The following PARP15 variants were observed in gnomAD, a reference collection of about 807,000 sequenced individuals.
PARP15 encodes protein mono-ADP-ribosyltransferase PARP15.
PARP15 carries 50 observed loss-of-function variants against 62.1 expected under a neutral mutation model. The ratio of observed to expected loss-of-function variants is 0.81; its 90% CI spans 0.64 to 1.02. PARP15 has a LOEUF of 1.02. PARP15 is among the 50% of genes least tolerant of loss of function. PARP15 has a pLI of 0.00. For synonymous variants in PARP15, 309 were observed against 293.1 expected, an observed-to-expected ratio of 1.05 and a Z score of -0.55; for missense variants, 820 against 826.5, an observed-to-expected ratio of 0.99 and a Z score of 0.10.
At position 122,626,998 on chromosome 3, in the gene PARP15, C is replaced by T; in HGVS notation, c.1403C>T (p.Ser468Leu). ...DSMKKRDLSA[S>L]LNFQSTFSMT... ...ATGAAAAAAAGAGACCTCTCTGCAT[C>T]ACTGAACTTTCAGTCCACATTCTCC... is the stretch of plus-strand genomic sequence containing the variant. The change falls in exon 9 of 12, where the codon TCA (serine) becomes TTA (leucine). Residue 468 changes from serine to leucine, a missense_variant. Around this residue, in one of 3 missense-constraint regions of PARP15, gnomAD observed 731 missense variants for 727.7 expected, o/e 1.00. Transcript: ENST00000464300. 2 of 1,613,736 alleles carry T rather than the reference C, an allele frequency of 1.2e-6. No homozygotes were observed. The highest frequency in any genetic ancestry group is 1.7e-5 in the Admixed American group (1 of 59,956).
At chr3:122,578,104 A>T (rs971906101) in intron 1 of PARP15, among the ~76,000 whole-genome samples, 1 of 150,684 alleles carries the variant, frequency 6.6e-6, no homozygotes. Context: ...GTTTGAAAGG[A>T]TATGAGTCCT....
intron 1 of PARP15, among the ~76,000 whole-genome samples, chr3:122,597,567 T>C (rs1257164691): frequency 6.6e-6 from 1 of 152,172 alleles, no homozygotes. Flanking sequence ...CAGCTTTTTT[T>C]TTCTTTTTCC....
chr3:122,599,358 G>C (rs1047128631), intron 1 of PARP15, among the ~76,000 whole-genome samples: 1 of 150,702 alleles, frequency 6.6e-6, no homozygotes, highest in African/African-American at 2.4e-5. Context: ...GGGCAACAGA[G>C]CGAGACATAG....
At chr3:122,615,145 T>G (rs1935869061) in intron 4 of PARP15, 3 of 1,120,982 alleles carry the variant, frequency 2.7e-6, no homozygotes, top group South Asian at 4.0e-5. Flanking sequence ...ACAACCCAAG[T>G]GAAACTTTAT....
intron 1 of PARP15, among the ~76,000 whole-genome samples, chr3:122,585,405 A>G (rs1247717332): frequency 2.0e-5 from 3 of 152,214 alleles, no homozygotes; most frequent in Non-Finnish European, 4.4e-5. Flanking sequence ...ATAATGGGGT[A>G]TGATCTGATT....
chr3:122,603,223 C>A (rs1934931307), intron 1 of PARP15, among the ~76,000 whole-genome samples: 1 of 152,108 alleles, frequency 6.6e-6, no homozygotes, highest in Non-Finnish European at 1.5e-5. Context: ...AAGTTCCTGC[C>A]TAAAATGCAT....
intron 4 of PARP15, chr3:122,615,078 A>G (rs1258029907): frequency 2.0e-6 from 2 of 983,376 alleles, no homozygotes; most frequent in Non-Finnish European, 2.4e-6. Context: ...AAGAAAGAGA[A>G]AAAGAAAAAG....
At chr3:122,606,087 G>T (rs1001528265) in intron 2 of PARP15, 32 bp downstream of exon 2, 2 of 1,541,456 alleles carry the variant, frequency 1.3e-6, no homozygotes, top group Admixed American at 2.0e-5. Flanking sequence ...ATCTACCAAG[G>T]AACAGTGGGA....
Position 122,626,724 on chromosome 3 carries a change from T to C in PARP15, c.1232-103T>C, listed in dbSNP as rs1936750547. ...TGAGTGTCAGATCAATTCCTGGCTGTGAGGGGCTTTCCTGTTTCTCAGCAC... is the reference window on the plus strand; with the variant it reads ...TGAGTGTCAGATCAATTCCTGGCTGCGAGGGGCTTTCCTGTTTCTCAGCAC... On this transcript the variant is annotated intron_variant, in intron 8 of 11. Transcript: ENST00000464300. 5.0e-6 allele frequency: 5 copies of C among 1,006,432 alleles called. No individual in the cohort carries two copies. In the South Asian group the frequency reaches 8.4e-5, roughly 17 times the overall value. The allele number at this position is 1,006,432 out of a possible 1,614,324, so 62.3% of individuals were successfully genotyped here. A position where few individuals can be genotyped will look rare whatever the true frequency, so the allele number is the denominator to read the frequency against.
chr3:122,599,474 CT>C (rs1934619485), intron 1 of PARP15, among the ~76,000 whole-genome samples: 1 of 151,970 alleles, frequency 6.6e-6, no homozygotes, highest in Non-Finnish European at 1.5e-5. Flanking sequence ...TCTCTCTCCC[CT>C]CTCTCTCTTT....
chr3:122,586,649 T>C (rs1320914680), intron 1 of PARP15, among the ~76,000 whole-genome samples: 1 of 152,206 alleles, frequency 6.6e-6, no homozygotes, highest in African/African-American at 2.4e-5. Flanking sequence ...GTCTTTAATT[T>C]TTAGAGTAGT....
intron 1 of PARP15, among the ~76,000 whole-genome samples, chr3:122,586,009 TTAAA>T (rs1933398236): frequency 2.0e-5 from 3 of 152,250 alleles, no homozygotes; most frequent in Non-Finnish European, 4.4e-5. Flanking sequence ...GTACAGTTAG[TTAAA>T]TAAATATAGA....
chr3:122,586,344 C>T (rs1933428918), intron 1 of PARP15, among the ~76,000 whole-genome samples: 2 of 151,916 alleles, frequency 1.3e-5, no homozygotes, highest in Non-Finnish European at 2.9e-5. Context: ...GTAGCTAGGA[C>T]TACAGGAACA....
chr3:122,620,937 C>T (rs1936301425), intron 7 of PARP15, among the ~76,000 whole-genome samples: 1 of 152,156 alleles, frequency 6.6e-6, no homozygotes, highest in Non-Finnish European at 1.5e-5. Flanking sequence ...GGTCCTGAGC[C>T]AAGGAGAAGT....
rs59527124 is a variant in PARP15, at chr3:122,579,999, GTATA to G, written c.186+2180_186+2183del. Among the ~76,000 whole-genome samples, 268 of 64,428 alleles carry G rather than the reference GTATA, an allele frequency of 4.2e-3. 3 individuals carry two copies. Among genetic ancestry groups the G allele is most frequent in the East Asian group, 0.034 (64 of 1,902 alleles). The allele number at this position is 64,428 out of a possible 152,430, so 42.3% of individuals were successfully genotyped here. A position where few individuals can be genotyped will look rare whatever the true frequency, so the allele number is the denominator to read the frequency against. ...GTCTGAACAACAACAGCAACTATAT[GTATA>G]TATATATATATATATATATATATAT... On this transcript the variant is annotated intron_variant, in intron 1 of 11. Coordinates refer to ENST00000464300, the MANE Select transcript of PARP15 (RefSeq NM_001113523.3).
chr3:122,620,809 G>A (rs984831343), intron 7 of PARP15, among the ~76,000 whole-genome samples: 1 of 141,952 alleles, frequency 7.0e-6, no homozygotes, highest in Admixed American at 6.7e-5. Flanking sequence ...GATGGGATGG[G>A]CAGGGATCCA....
intron 1 of PARP15, among the ~76,000 whole-genome samples, chr3:122,601,367 T>G (rs1053207479): frequency 5.3e-5 from 8 of 152,182 alleles, no homozygotes; most frequent in South Asian, 2.1e-4. Context: ...CATTGCAATA[T>G]CATACAGAAT....
chr3:122,588,129 C>T (rs969918699), intron 1 of PARP15, among the ~76,000 whole-genome samples: 9 of 152,062 alleles, frequency 5.9e-5, no homozygotes, highest in Admixed American at 1.3e-4. Flanking sequence ...AAAATATCTA[C>T]ATTTTGCTTT....
At chr3:122,611,544 A>T (rs1483615382) in intron 3 of PARP15, among the ~76,000 whole-genome samples, 1 of 151,818 alleles carries the variant, frequency 6.6e-6, no homozygotes, top group Non-Finnish European at 1.5e-5. Flanking sequence ...TCACCATGTT[A>T]GCCAGGCTGG....
Sources: allele counts gnomAD v4.1 joint callset (sites outside exome capture counted in the v4.1 genomes callset), GRCh38; gene constraint gnomAD v4.1.1; regional missense constraint gnomAD v4.1.1; transcripts MANE v1.5; gene names NCBI Gene and HGNC (gene_info 2026-07-23, HGNC 2026-07-21).